ITGA4: variants seen among roughly 807,000 people sequenced by gnomAD.
The protein encoded by ITGA4 is integrin alpha-4.
ITGA4 carries 63 observed loss-of-function variants against 133.6 expected under a neutral mutation model. The ratio of observed to expected loss-of-function variants is 0.47; its 90% CI spans 0.38 to 0.58. ITGA4 has a LOEUF of 0.58. ITGA4 is among the 20% of genes least tolerant of loss of function. The pLI, the probability that ITGA4 is intolerant of heterozygous loss-of-function variation, is 0.00. For synonymous variants in ITGA4, 483 were observed against 438.0 expected (o/e 1.10, Z -1.28); for missense variants, 1,076 against 1,252.7 (o/e 0.86, Z 2.13).
At chr2:181,524,821 T>C (rs1686799209) in intron 20 of ITGA4, among the ~76,000 whole-genome samples, 2 of 152,250 alleles carry the variant, frequency 1.3e-5, no homozygotes, top group African/African-American at 4.8e-5. Flanking sequence ...TCTTTGATCA[T>C]TAAGTCTTGC....
At chr2:181,484,419 G>C (rs1373199104) in intron 9 of ITGA4, among the ~76,000 whole-genome samples, 2 of 152,106 alleles carry the variant, frequency 1.3e-5, no homozygotes, top group African/African-American at 4.8e-5. Context: ...CAGAACTTCA[G>C]AGCCATTGCA....
intron 2 of ITGA4, among the ~76,000 whole-genome samples, chr2:181,472,841 T>C (rs1462590539): frequency 2.0e-5 from 3 of 152,142 alleles, no homozygotes; most frequent in South Asian, 2.1e-4. Flanking sequence ...ATTTCTCTCT[T>C]CATCCCTTCC....
chr2:181,514,850 T>C (rs1349911832), intron 17 of ITGA4, among the ~76,000 whole-genome samples: 2 of 152,178 alleles, frequency 1.3e-5, no homozygotes, highest in African/African-American at 4.8e-5. Flanking sequence ...ATTATTTTTC[T>C]TTGTTACATG....
chr2:181,468,520 C>G (rs1685476219), intron 2 of ITGA4, among the ~76,000 whole-genome samples: 1 of 152,066 alleles, frequency 6.6e-6, no homozygotes, highest in African/African-American at 2.4e-5. Context: ...TCAATCTGCC[C>G]TCATGGAGGT....
chr2:181,504,674 A>G (rs1312796412), intron 15 of ITGA4, among the ~76,000 whole-genome samples: 1 of 152,068 alleles, frequency 6.6e-6, no homozygotes, highest in Non-Finnish European at 1.5e-5. Flanking sequence ...GAGGCAGGAT[A>G]TTATCTTTTG....
intron 2 of ITGA4, 130 bp downstream of exon 2, chr2:181,458,447 C>G (rs1559033805): frequency 9.7e-6 from 10 of 1,027,110 alleles, no homozygotes; most frequent in Non-Finnish European, 1.5e-5. Context: ...TTTTCAGTTT[C>G]AACTCCATCT....
chr2:181,471,198 A>G (rs1685542010), intron 2 of ITGA4, among the ~76,000 whole-genome samples: 1 of 152,172 alleles, frequency 6.6e-6, no homozygotes, highest in Non-Finnish European at 1.5e-5. Flanking sequence ...TTTTGAATTA[A>G]GATATATGAA....
chr2:181,484,336 T>A (rs80085646), intron 9 of ITGA4, among the ~76,000 whole-genome samples: 2 of 152,168 alleles, frequency 1.3e-5, no homozygotes, highest in East Asian at 3.9e-4. Flanking sequence ...TAGCGAACTC[T>A]CAGTCACCAC....
In ITGA4 at chr2:181,523,497, A is replaced by C; in HGVS notation, c.2134A>C (p.Ser712Arg). ...DNSGVVQLDC[S>R]IGYIYVDHLS... ...CTCTGGCGTGGTACAACTTGACTGC[A>C]GTATTGGCTATATATATGTAGATCA... The change falls in exon 19 of 28, where the codon AGT becomes CGT. Residue 712 changes from serine to arginine, a missense_variant. Around this residue, in one of 4 missense-constraint regions of ITGA4, gnomAD observed 365 missense variants for 421.4 expected, o/e 0.87. Coordinates refer to ENST00000397033, the MANE Select transcript of ITGA4 (RefSeq NM_000885.6). The surrounding 1 kb of genome is among the most constrained non-coding windows in gnomAD (Gnocchi z 4.2). The C allele has an allele frequency of 1.2e-6, 2 of 1,604,804 alleles. No individual in the cohort carries two copies. The highest frequency in any genetic ancestry group is 2.2e-5 in the East Asian group (1 of 44,730).
intron 15 of ITGA4, among the ~76,000 whole-genome samples, chr2:181,507,771 T>G (rs1295463488): frequency 6.6e-6 from 1 of 152,086 alleles, no homozygotes; most frequent in Non-Finnish European, 1.5e-5. Context: ...AGAAAAAAAA[T>G]CTGTACATGT....
At chr2:181,465,510 TTTTCTG>T (rs879566631) in intron 2 of ITGA4, among the ~76,000 whole-genome samples, 2 of 152,142 alleles carry the variant, frequency 1.3e-5, no homozygotes, top group African/African-American at 2.4e-5. Context: ...CCCTGGAGTA[TTTTCTG>T]TTTACATTTT....
At chr2:181,458,000 G>T in intron 1 of ITGA4, 149 bp downstream of exon 1, 1 of 1,133,778 alleles carries the variant, frequency 8.8e-7, no homozygotes, top group Non-Finnish European at 1.2e-6. Context: ...AAATCTGCCA[G>T]GGAAACTAAC....
In ITGA4 at chr2:181,512,988, T is replaced by A. The variant is rs11679001; in HGVS notation, c.1922+1213T>A. ...TCAACTTAACTTCCAGCACATGCTT[T>A]TCAGTCCATACTTGAATTCCACTCT... is the stretch of plus-strand genomic sequence containing the variant. On this transcript the variant is annotated intron_variant, in intron 17 of 27. Coordinates refer to ENST00000397033, the MANE Select transcript of ITGA4 (RefSeq NM_000885.6). Among the ~76,000 whole-genome samples the A allele has an allele frequency of 4.3e-3, 661 of 152,258 alleles. 3 individuals are homozygous for A. The highest frequency in any genetic ancestry group is 6.3e-3 in the Non-Finnish European group (429 of 67,992).
intron 15 of ITGA4, among the ~76,000 whole-genome samples, chr2:181,502,195 T>C (rs200380440): frequency 4.0e-5 from 6 of 149,248 alleles, no homozygotes; most frequent in African/African-American, 1.2e-4. Flanking sequence ...GCAGAGGCTG[T>C]TGGTGGTGGT....
At chr2:181,497,893 A>G (rs1574397648) in intron 14 of ITGA4, among the ~76,000 whole-genome samples, 1 of 151,396 alleles carries the variant, frequency 6.6e-6, no homozygotes, top group Middle Eastern at 3.4e-3. Context: ...TTTTCTTTCA[A>G]ATTTGGAGAT....
At chr2:181,489,223 G>A (rs1685988483) in intron 10 of ITGA4, among the ~76,000 whole-genome samples, 1 of 152,112 alleles carries the variant, frequency 6.6e-6, no homozygotes, top group Admixed American at 6.5e-5. Flanking sequence ...ACTTTGCATA[G>A]CAAACCTAAG....
Position 181,480,209 on chromosome 2 carries a change from A to G in ITGA4, c.697A>G (p.Asn233Asp). The change falls in exon 6 of 28, where the codon AAT becomes GAT. Residue 233 changes from asparagine (N) to aspartate (D), a missense_variant. Around this residue, in one of 4 missense-constraint regions of ITGA4, gnomAD observed 436 missense variants for 590.7 expected, o/e 0.74. Transcript: ENST00000397033. ...GSLFVYNITT[N>D]KYKAFLDKQN... ...TCTTTTTGTCTACAATATAACTACA[A>G]ATAAATACAAGGCTTTTTTAGACAA... 1 of 1,535,928 alleles carries G rather than the reference A, an allele frequency of 6.5e-7. No individual in the cohort carries two copies. Among genetic ancestry groups the G allele is most frequent in the Non-Finnish European group, 8.8e-7 (1 of 1,137,374 alleles).
intron 20 of ITGA4, 195 bp downstream of exon 20, chr2:181,524,445 GTATT>G (rs1559055964): frequency 6.3e-6 from 3 of 475,886 alleles, no homozygotes; most frequent in South Asian, 4.1e-5. Context: ...GCTATGTTAA[GTATT>G]TATTAGATTA....
chr2:181,523,406 T>C lies in ITGA4; in HGVS notation c.2074-31T>C. 1 of 1,294,712 alleles carries C rather than the reference T, an allele frequency of 7.7e-7. No individual in the cohort carries two copies. The highest frequency in any genetic ancestry group is 1.2e-5 in the South Asian group (1 of 84,576). The allele number at this position is 1,294,712 out of a possible 1,614,324, so 80.2% of individuals were successfully genotyped here. On this transcript the variant is annotated intron_variant, in intron 18 of 27. Transcript: ENST00000397033. The surrounding 1 kb of genome is among the most constrained non-coding windows in gnomAD (Gnocchi z 4.2). ...TTACAAACTTTTTATTTCCTTCCTG[T>C]CCAAAACAGTTGTTTCATTTTTCCC...
Sources: allele counts gnomAD v4.1 joint callset (sites outside exome capture counted in the v4.1 genomes callset), GRCh38; gene constraint gnomAD v4.1.1; regional missense constraint gnomAD v4.1.1; non-coding constraint Gnocchi (gnomAD v3.1); transcripts MANE v1.5; gene names NCBI Gene and HGNC (gene_info 2026-07-23, HGNC 2026-07-21).